Variants in SH3GLB1 observed in about 807,000 individuals in gnomAD.
SH3GLB1 encodes endophilin-B1.
A neutral mutation model predicts 42.0 loss-of-function variants in SH3GLB1; 17 were observed. The ratio of observed to expected loss-of-function variants is 0.40; its 90% CI spans 0.28 to 0.61. The LOEUF (loss-of-function observed/expected upper bound fraction) is 0.61. Among genes scored for constraint, SH3GLB1 ranks in the 20% least tolerant of loss-of-function variants. SH3GLB1 has a pLI of 0.36. For synonymous variants in SH3GLB1, 132 were observed against 146.6 expected (o/e 0.90, Z 0.72); for missense variants, 355 against 426.3 (o/e 0.83, Z 1.47).
At chr1:86,735,956 C>T (rs551911821) in intron 7 of SH3GLB1, among the ~76,000 whole-genome samples, 6 of 152,298 alleles carry the variant, frequency 3.9e-5, no homozygotes, top group African/African-American at 1.2e-4. Context: ...GACTGAGGTA[C>T]ATCTAGCAGA....
At position 86,734,677 on chromosome 1, in the gene SH3GLB1, A is replaced by G. The variant is rs745993375; in HGVS notation, c.646A>G (p.Ile216Val). 25 of 1,611,850 alleles carry G rather than the reference A, an allele frequency of 1.6e-5. No homozygotes were observed. The African/African-American group carries it at 2.9e-4, about 19-fold the overall frequency. Residue 216 changes from isoleucine to valine, a missense_variant, in exon 6 of 9, where the codon ATC (isoleucine) becomes GTC (valine). By Grantham distance (29) the Ile-to-Val change is conservative (BLOSUM62 3). Coordinates refer to ENST00000370558, the MANE Select transcript of SH3GLB1 (RefSeq NM_016009.5). ...AEITRLLLEG[I>V]SSTHAHHLRC... ...GATTACCAGACTTCTGCTAGAGGGA[A>G]TCAGCAGTACACATGTGAGTATTCA...
intron 5 of SH3GLB1, chr1:86,730,292 T>G (rs1283472797): frequency 1.0e-6 from 1 of 985,240 alleles, no homozygotes. Context: ...ACCAAGCAGT[T>G]GAACAATGCT....
intron 1 of SH3GLB1, among the ~76,000 whole-genome samples, chr1:86,713,638 A>G (rs1654341189): frequency 6.6e-6 from 1 of 151,952 alleles, no homozygotes; most frequent in South Asian, 2.1e-4. Flanking sequence ...TTCTCTAACT[A>G]CCCGCATCTC....
intron 1 of SH3GLB1, among the ~76,000 whole-genome samples, chr1:86,714,276 G>A (rs1329791383): frequency 1.3e-5 from 2 of 152,132 alleles, no homozygotes; most frequent in African/African-American, 4.8e-5. Context: ...TAAAGACTAC[G>A]GGGTTCTCTG....
At chr1:86,725,216 T>G (rs2101954132) in intron 5 of SH3GLB1, among the ~76,000 whole-genome samples, 1 of 151,764 alleles carries the variant, frequency 6.6e-6, no homozygotes, top group Non-Finnish European at 1.5e-5. Context: ...TCAGTTCCCT[T>G]TCCACACACT....
intron 6 of SH3GLB1, among the ~76,000 whole-genome samples, 175 bp downstream of exon 6, chr1:86,734,866 C>T (rs1428266882): frequency 6.6e-6 from 1 of 152,062 alleles, no homozygotes; most frequent in Non-Finnish European, 1.5e-5. Flanking sequence ...TCACCGAGTT[C>T]TCCCACCCTC....
chr1:86,731,359 T>A (rs907909641), intron 5 of SH3GLB1, among the ~76,000 whole-genome samples: 2 of 152,212 alleles, frequency 1.3e-5, no homozygotes, highest in African/African-American at 4.8e-5. Context: ...GGATTGATTT[T>A]ACAGTCTGTT....
At position 86,742,280 on chromosome 1, in the gene SH3GLB1, G is replaced by A. The variant is rs776141402; in HGVS notation, c.834G>A (p.Ala278=). Residue 278 remains alanine (A), a synonymous_variant, in exon 8 of 9, where the codon GCG becomes GCA. Transcript: ENST00000370558. ...VTPVPSVLPN[A]IGSSAMASTS... Reference sequence around the variant, plus strand: ...CTGTACCATCAGTTTTACCAAATGCGATTGGTTCTTCTGCCATGGCTTCAA... The same window carrying A: ...CTGTACCATCAGTTTTACCAAATGCAATTGGTTCTTCTGCCATGGCTTCAA... 9.0e-5 allele frequency: 145 copies of A among 1,614,038 alleles called. No homozygotes were observed. Among genetic ancestry groups the A allele is most frequent in the Non-Finnish European group, 1.2e-4 (136 of 1,179,994 alleles).
At chr1:86,731,298 G>T (rs1293106593) in intron 5 of SH3GLB1, among the ~76,000 whole-genome samples, 1 of 152,186 alleles carries the variant, frequency 6.6e-6, no homozygotes, top group Non-Finnish European at 1.5e-5. Context: ...TGATGATTTT[G>T]GCCCCTGACA....
chr1:86,724,892 A>ATATATATATATATATATATATAT (rs1553208270), intron 5 of SH3GLB1, among the ~76,000 whole-genome samples: 5 of 99,680 alleles, frequency 5.0e-5, no homozygotes, highest in African/African-American at 2.7e-4. Context: ...AAAAAAAAAA[A>ATATATATATATATATATATATAT]ATATATATAT....
intron 5 of SH3GLB1, chr1:86,730,387 G>A: frequency 1.0e-6 from 1 of 985,050 alleles, no homozygotes; most frequent in South Asian, 4.7e-5. Context: ...TACTATAGAA[G>A]GCAGGCGAAA....
rs1032853899 is a variant in SH3GLB1, at chr1:86,704,782, C to T, written c.-118C>T. The T allele has an allele frequency of 3.7e-6, 2 of 544,406 alleles. No homozygotes were observed. Among genetic ancestry groups the T allele is most frequent in the South Asian group, 2.4e-5 (1 of 41,784 alleles). 33.7% of individuals were successfully genotyped at this position (544,406 alleles called of 1,614,324 possible). On this transcript the variant is annotated 5_prime_UTR_variant, in exon 1 of 9. Coordinates refer to ENST00000370558, the MANE Select transcript of SH3GLB1 (RefSeq NM_016009.5). ...ACAGCTGCGGCTGCGGGGCTGGCGC[C>T]GCCTCCCTCCACCTACCACGTCTGC...
chr1:86,707,854 G>C (rs1184690414), intron 1 of SH3GLB1, among the ~76,000 whole-genome samples: 2 of 151,940 alleles, frequency 1.3e-5, no homozygotes, highest in Admixed American at 1.3e-4. Flanking sequence ...CACCATGTTG[G>C]TCAGGCTGGT....
chr1:86,728,782 T>G (rs1284329323), intron 5 of SH3GLB1, among the ~76,000 whole-genome samples: 1 of 152,170 alleles, frequency 6.6e-6, no homozygotes, highest in Non-Finnish European at 1.5e-5. Context: ...GGCATTTATA[T>G]TTTCACTTTT....
chr1:86,735,871 C>G (rs1570291213), intron 7 of SH3GLB1, among the ~76,000 whole-genome samples: 1 of 152,210 alleles, frequency 6.6e-6, no homozygotes. Context: ...AAATACAAAG[C>G]AAGCCGTTGG....
intron 5 of SH3GLB1, among the ~76,000 whole-genome samples, chr1:86,732,835 C>T: frequency 6.6e-6 from 1 of 152,022 alleles, no homozygotes; most frequent in East Asian, 1.9e-4. Flanking sequence ...ATTACCTTAC[C>T]TAGAAATAAT....
In SH3GLB1 at chr1:86,705,382, A is replaced by T. The variant is rs543077728; in HGVS notation, c.72+411A>T. ...CCCCCACCCTTTCCTTTCGTCTCTCACCCTCCCCTCGGAGTCCAAGAAGGG... is the reference window on the plus strand; with the variant it reads ...CCCCCACCCTTTCCTTTCGTCTCTCTCCCTCCCCTCGGAGTCCAAGAAGGG... On this transcript the variant is annotated intron_variant, in intron 1 of 8. Coordinates refer to ENST00000370558, the MANE Select transcript of SH3GLB1 (RefSeq NM_016009.5). Among the ~76,000 whole-genome samples, 11 of 150,924 alleles carry T rather than the reference A, an allele frequency of 7.3e-5. No individual in the cohort carries two copies. In the East Asian group the frequency reaches 2.1e-3, roughly 29 times the overall value.
chr1:86,735,543 C>T (rs901281237), intron 7 of SH3GLB1, among the ~76,000 whole-genome samples: 1 of 152,170 alleles, frequency 6.6e-6, no homozygotes, highest in Non-Finnish European at 1.5e-5. Context: ...CATTACTCAT[C>T]TGTTTACTAT....
intron 5 of SH3GLB1, among the ~76,000 whole-genome samples, chr1:86,724,880 A>ATATATATATATATATATAT (rs1284567743): frequency 5.0e-4 from 52 of 103,836 alleles, no homozygotes; most frequent in African/African-American, 8.1e-4. Context: ...TCTTTAAAAA[A>ATATATATATATATATATAT]AAAAAAAAAA....
Sources: allele counts gnomAD v4.1 joint callset (sites outside exome capture counted in the v4.1 genomes callset), GRCh38; gene constraint gnomAD v4.1.1; transcripts MANE v1.5; gene names NCBI Gene and HGNC (gene_info 2026-07-23, HGNC 2026-07-21).